The following MACROD2 variants were observed in gnomAD, a reference collection of about 807,000 sequenced individuals.
The protein encoded by MACROD2 is ADP-ribose glycohydrolase MACROD2.
A neutral mutation model predicts 70.4 loss-of-function variants in MACROD2; 36 were observed. The observed-to-expected ratio is 0.51, with a 90% CI of 0.39 to 0.68. The LOEUF (loss-of-function observed/expected upper bound fraction) is 0.68. Among genes scored for constraint, MACROD2 ranks in the 30% least tolerant of loss-of-function variants. The pLI is 0.00. For missense variants in MACROD2, 496 were observed against 538.4 expected, an observed-to-expected ratio of 0.92 and a Z score of 0.78; for synonymous variants, 172 against 178.8, an observed-to-expected ratio of 0.96 and a Z score of 0.30.
intron 5 of MACROD2, among the ~76,000 whole-genome samples, chr20:14,709,607 G>A (rs562763585): frequency 2.6e-5 from 4 of 152,276 alleles, no homozygotes; most frequent in Admixed American, 6.5e-5. Flanking sequence ...TTCATAAAGC[G>A]TGACTGGCTG....
chr20:15,431,563 G>T lies in MACROD2; in HGVS notation c.571+128G>T, dbSNP rs41275430. ...TGTGATTTAGAGACTAAAAATGCTCGTCAAATCCCATTAAAGAATGTCATG... is the reference window on the plus strand; with the variant it reads ...TGTGATTTAGAGACTAAAAATGCTCTTCAAATCCCATTAAAGAATGTCATG... On this transcript the variant is annotated intron_variant, in intron 7 of 17. Transcript: ENST00000684519. 4,130 of 812,966 alleles carry T rather than the reference G, an allele frequency of 5.1e-3. 18 individuals carry two copies. Among genetic ancestry groups the T allele is most frequent in the Admixed American group, 8.2e-3 (346 of 42,424 alleles). The allele number at this position is 812,966 out of a possible 1,614,324, so 50.4% of individuals were successfully genotyped here.
At chr20:14,876,738 G>T (rs2073555373) in intron 5 of MACROD2, among the ~76,000 whole-genome samples, 1 of 151,948 alleles carries the variant, frequency 6.6e-6, no homozygotes, top group Admixed American at 6.6e-5. Flanking sequence ...TCTCTTAATG[G>T]TTTTTGTCAA....
At chr20:15,024,382 GGAA>G (rs1227595611) in intron 5 of MACROD2, among the ~76,000 whole-genome samples, 1 of 151,948 alleles carries the variant, frequency 6.6e-6, no homozygotes, top group Non-Finnish European at 1.5e-5. Flanking sequence ...AAAAAGAGGA[GGAA>G]GAAGAGGAAG....
intron 6 of MACROD2, among the ~76,000 whole-genome samples, chr20:15,386,652 C>A (rs2045717280): frequency 6.6e-6 from 1 of 152,150 alleles, no homozygotes. Context: ...AGACCCCTTG[C>A]AATTTTTGTG....
chr20:14,193,076 A>T (rs1259035780), intron 3 of MACROD2, among the ~76,000 whole-genome samples: 1 of 152,210 alleles, frequency 6.6e-6, no homozygotes, highest in African/African-American at 2.4e-5. Flanking sequence ...ACATGTTACA[A>T]ATATCTTATC....
At chr20:14,566,718 A>G (rs927741631) in intron 4 of MACROD2, 1 of 151,952 alleles carries the variant, frequency 6.6e-6, no homozygotes, top group African/African-American at 2.4e-5. Context: ...ATGGCCTGCC[A>G]GCAATTACTC....
At chr20:15,476,184 A>G (rs2146443952) in intron 7 of MACROD2, among the ~76,000 whole-genome samples, 1 of 152,334 alleles carries the variant, frequency 6.6e-6, no homozygotes, top group South Asian at 2.1e-4. Context: ...TAGCAACTAT[A>G]AGATGCCACT....
chr20:15,121,525 A>G (rs960414843), intron 5 of MACROD2, among the ~76,000 whole-genome samples: 1 of 151,312 alleles, frequency 6.6e-6, no homozygotes. Context: ...AAAAAAAAAA[A>G]AAAAAGAAAA....
intron 6 of MACROD2, among the ~76,000 whole-genome samples, chr20:15,230,475 T>C (rs970478361): frequency 2.6e-5 from 4 of 152,184 alleles, no homozygotes; most frequent in Admixed American, 1.3e-4. Flanking sequence ...TTAATCTCTA[T>C]GTACATGCAT....
chr20:14,098,203 T>A (rs1193976683), intron 3 of MACROD2, among the ~76,000 whole-genome samples: 1 of 152,212 alleles, frequency 6.6e-6, no homozygotes, highest in South Asian at 2.1e-4. Flanking sequence ...TAATTATGGG[T>A]GTTTTTCAAG....
chr20:14,691,903 C>A lies in MACROD2; in HGVS notation c.418+6944C>A, dbSNP rs1305801064. Among the ~76,000 whole-genome samples, 7 of 152,126 alleles carry A rather than the reference C, an allele frequency of 4.6e-5. No individual in the cohort carries two copies. The East Asian group carries it at 1.3e-3, about 29-fold the overall frequency. On this transcript the variant is annotated intron_variant, in intron 5 of 17. Coordinates refer to ENST00000684519, the MANE Select transcript of MACROD2 (RefSeq NM_001351661.2). ...TGAAGAGGAAGATGGGATTGTTCCT[C>A]CTAAAATCAACTCGGATTGGCTCAT...
At chr20:14,758,610 T>C (rs1040063046) in intron 5 of MACROD2, among the ~76,000 whole-genome samples, 1 of 152,142 alleles carries the variant, frequency 6.6e-6, no homozygotes, top group African/African-American at 2.4e-5. Context: ...ACCCATGCAC[T>C]GTACAGCATT....
At chr20:15,973,446 CT>C (rs1393158837) in intron 13 of MACROD2, among the ~76,000 whole-genome samples, 4 of 152,002 alleles carry the variant, frequency 2.6e-5, no homozygotes, top group African/African-American at 9.7e-5. Flanking sequence ...CAGAATATCT[CT>C]GAAAAATTGT....
At chr20:15,572,102 TAA>T (rs2048383897) in intron 8 of MACROD2, among the ~76,000 whole-genome samples, 1 of 152,112 alleles carries the variant, frequency 6.6e-6, no homozygotes, top group South Asian at 2.1e-4. Context: ...TCACAAAATT[TAA>T]ACTCTTTTCA....
intron 3 of MACROD2, among the ~76,000 whole-genome samples, chr20:14,178,840 G>A (rs1251577982): frequency 6.7e-6 from 1 of 148,484 alleles, no homozygotes; most frequent in African/African-American, 2.5e-5. Context: ...GGCCTTTTCA[G>A]TAACTTCCCC....
chr20:14,045,114 C>G (rs558971004), intron 2 of MACROD2, among the ~76,000 whole-genome samples: 3 of 152,248 alleles, frequency 2.0e-5, no homozygotes, highest in Non-Finnish European at 2.9e-5. Flanking sequence ...CCTGGAACTT[C>G]GGCTGGCCTG....
chr20:14,823,073 C>T (rs1159926910), intron 5 of MACROD2, among the ~76,000 whole-genome samples: 1 of 151,998 alleles, frequency 6.6e-6, no homozygotes, highest in Admixed American at 6.6e-5. Context: ...TTTCCCTGTT[C>T]AGCAGTTATA....
intron 7 of MACROD2, among the ~76,000 whole-genome samples, chr20:15,435,035 G>A (rs919056254): frequency 1.3e-5 from 2 of 152,032 alleles, no homozygotes; most frequent in African/African-American, 4.8e-5. Context: ...CGGGTGGGAG[G>A]GGTTTGAGGG....
At chr20:14,325,393 C>G in intron 3 of MACROD2, 1 of 638,422 alleles carries the variant, frequency 1.6e-6, no homozygotes, top group South Asian at 3.5e-5. Context: ...AAATTTGAAA[C>G]TTTTAATAAA....
Sources: gnomAD v4.1 joint callset for allele counts (sites outside exome capture counted in the v4.1 genomes callset) on GRCh38, gnomAD v4.1.1 for gene constraint, MANE v1.5 for transcripts, NCBI Gene and HGNC (gene_info 2026-07-23, HGNC 2026-07-21) for gene names.